AFF4: variants seen among roughly 807,000 people sequenced by gnomAD.
The protein encoded by AFF4 is AF4/FMR2 family member 4.
AFF4 carries 13 observed loss-of-function variants against 124.8 expected under a neutral mutation model. The ratio of observed to expected loss-of-function variants is 0.10; its 90% CI spans 0.07 to 0.17. AFF4 has a LOEUF of 0.17. AFF4 is among the 10% of genes least tolerant of loss of function. The pLI is 1.00. For missense variants in AFF4, 1,092 were observed against 1,403.8 expected (o/e 0.78, Z 3.55); for synonymous variants, 477 against 496.1 (o/e 0.96, Z 0.51).
intron 20 of AFF4, among the ~76,000 whole-genome samples, chr5:132,882,147 A>T (rs1274834146): frequency 6.6e-6 from 1 of 151,098 alleles, no homozygotes; most frequent in African/African-American, 2.4e-5. Context: ...CAAGAGGTAG[A>T]TGCTGCAGTG....
chr5:132,912,436 C>T (rs926285269), intron 5 of AFF4, among the ~76,000 whole-genome samples: 11 of 152,130 alleles, frequency 7.2e-5, no homozygotes, highest in African/African-American at 2.7e-4. Flanking sequence ...TGATGGCTCA[C>T]TGCAGCCAAG....
At chr5:132,916,717 TGC>T (rs1760920015) in intron 5 of AFF4, among the ~76,000 whole-genome samples, 1 of 152,098 alleles carries the variant, frequency 6.6e-6, no homozygotes, top group Non-Finnish European at 1.5e-5. Context: ...ACTTGCTGTG[TGC>T]ATCAGACAAC....
intron 5 of AFF4, among the ~76,000 whole-genome samples, chr5:132,905,333 T>C (rs916297198): frequency 1.3e-5 from 2 of 152,230 alleles, no homozygotes; most frequent in African/African-American, 2.4e-5. Flanking sequence ...GTGCAAACTA[T>C]GCATTTCTCA....
chr5:132,950,460 C>T (rs1400576593), intron 1 of AFF4, among the ~76,000 whole-genome samples: 2 of 151,156 alleles, frequency 1.3e-5, no homozygotes, highest in Non-Finnish European at 3.0e-5. Context: ...GCAATAAGAG[C>T]GAAACTCCAT....
intron 1 of AFF4, among the ~76,000 whole-genome samples, chr5:132,953,647 C>G (rs1351729488): frequency 1.3e-5 from 2 of 152,162 alleles, no homozygotes. Flanking sequence ...GATCCTCATC[C>G]TAATAGTAAT....
intron 4 of AFF4, among the ~76,000 whole-genome samples, chr5:132,930,337 A>C (rs1761269923): frequency 1.3e-5 from 2 of 152,342 alleles, no homozygotes; most frequent in East Asian, 1.9e-4. Context: ...AAGGGCAAAG[A>C]AAGAGAGGCA....
chr5:132,893,832 T>G (rs180709825), intron 11 of AFF4, among the ~76,000 whole-genome samples: 4 of 152,290 alleles, frequency 2.6e-5, no homozygotes, highest in African/African-American at 9.6e-5. Flanking sequence ...TACCCATTAG[T>G]AGTCACTCCC....
At chr5:132,953,911 C>A (rs1483286594) in intron 1 of AFF4, among the ~76,000 whole-genome samples, 1 of 152,194 alleles carries the variant, frequency 6.6e-6, no homozygotes, top group Admixed American at 6.5e-5. Context: ...AGACACAAGT[C>A]AGGTCAGATT....
intron 5 of AFF4, among the ~76,000 whole-genome samples, chr5:132,914,155 G>A (rs934189822): frequency 5.3e-5 from 8 of 151,820 alleles, no homozygotes; most frequent in Non-Finnish European, 1.2e-4. Context: ...TTGAACCGGT[G>A]AGGTGGAGGT....
At position 132,950,802 on chromosome 5, in the gene AFF4, C is replaced by G. The variant is rs372393297; in HGVS notation, c.-5+12457G>C. Among the ~76,000 whole-genome samples, 4 of 152,320 alleles carry G rather than the reference C, an allele frequency of 2.6e-5. No homozygotes were observed. The East Asian group carries it at 7.7e-4, about 29-fold the overall frequency. ...AATCTTCCTAACAAAGAACAATTATCCTCATTTTGCTATCTTCTAGACCTT... is the reference window on the plus strand; with the variant it reads ...AATCTTCCTAACAAAGAACAATTATGCTCATTTTGCTATCTTCTAGACCTT... On this transcript the variant is annotated intron_variant, in intron 1 of 20. Transcript: ENST00000265343.
At chr5:132,923,808 T>C (rs1029039030) in intron 5 of AFF4, among the ~76,000 whole-genome samples, 1 of 152,212 alleles carries the variant, frequency 6.6e-6, no homozygotes, top group Non-Finnish European at 1.5e-5. Context: ...TACTTTTTAC[T>C]ATGTGACCCA....
intron 5 of AFF4, among the ~76,000 whole-genome samples, chr5:132,906,889 C>T (rs1265776676): frequency 3.9e-5 from 6 of 152,064 alleles, no homozygotes; most frequent in African/African-American, 1.4e-4. Flanking sequence ...AGCTTGAGGC[C>T]AGGAGTTCAA....
chr5:132,892,537 TA>T, intron 12 of AFF4, 133 bp from the exon 13 acceptor site: 1 of 1,289,556 alleles, frequency 7.8e-7, no homozygotes. Flanking sequence ...ATGATTTCTA[TA>T]AAACAAAATA....
At chr5:132,950,488 TAAAC>T (rs1368747336) in intron 1 of AFF4, among the ~76,000 whole-genome samples, 1 of 147,070 alleles carries the variant, frequency 6.8e-6, no homozygotes, top group Non-Finnish European at 1.5e-5. Flanking sequence ...AATAAATAAA[TAAAC>T]AAGCAAGCAA....
intron 1 of AFF4, among the ~76,000 whole-genome samples, chr5:132,955,461 T>C (rs1266101180): frequency 6.6e-6 from 1 of 152,122 alleles, no homozygotes; most frequent in African/African-American, 2.4e-5. Context: ...CTCACTTGCA[T>C]AGTGTACTAC....
chr5:132,912,854 A>AACACACACACAC (rs71221402), intron 5 of AFF4, among the ~76,000 whole-genome samples: 1 of 146,644 alleles, frequency 6.8e-6, no homozygotes, highest in African/African-American at 2.5e-5. Flanking sequence ...ACACACACAC[A>AACACACACACAC]ACACACACAC....
chr5:132,911,601 G>A (rs1450983952), intron 5 of AFF4, among the ~76,000 whole-genome samples: 3 of 151,706 alleles, frequency 2.0e-5, no homozygotes, highest in Admixed American at 1.3e-4. Flanking sequence ...AGTGAACTCT[G>A]GGACAACTTT....
In AFF4 at chr5:132,880,125, C is replaced by T. The variant is rs1759937065; in HGVS notation, c.*934G>A. ...TTAAAGACACACAGGCGGCAATCCT[C>T]AGGAGTTGGATCATCCTTTTTTCCA... On this transcript the variant is annotated 3_prime_UTR_variant, in exon 21 of 21. Transcript: ENST00000265343. The T allele has an allele frequency of 2.5e-6, 1 of 398,036 alleles. No individual in the cohort carries two copies. Among genetic ancestry groups the T allele is most frequent in the Non-Finnish European group, 4.4e-6 (1 of 225,810 alleles). The allele number at this position is 398,036 out of a possible 1,614,324, so 24.7% of individuals were successfully genotyped here.
chr5:132,936,356 T>C (rs753607373), intron 2 of AFF4, among the ~76,000 whole-genome samples: 3 of 151,420 alleles, frequency 2.0e-5, no homozygotes, highest in Non-Finnish European at 4.4e-5. Context: ...GAAAATATTA[T>C]ATTCCTCATA....
Sources: allele counts gnomAD v4.1 joint callset (sites outside exome capture counted in the v4.1 genomes callset), GRCh38; gene constraint gnomAD v4.1.1; transcripts MANE v1.5; gene names NCBI Gene and HGNC (gene_info 2026-07-23, HGNC 2026-07-21).